Variants in MICAL2 observed in about 807,000 individuals in gnomAD.
MICAL2 encodes microtubule associated monooxygenase, calponin and LIM domain containing 2.
MICAL2 carries 77 observed loss-of-function variants against 127.3 expected under a neutral mutation model. The ratio of observed to expected loss-of-function variants is 0.60; its 90% CI spans 0.50 to 0.73. The LOEUF (loss-of-function observed/expected upper bound fraction) is 0.73. Among genes scored for constraint, MICAL2 ranks in the 30% least tolerant of loss-of-function variants. The pLI is 0.00. For synonymous variants in MICAL2, 570 were observed against 551.1 expected, an observed-to-expected ratio of 1.03 and a Z score of -0.48; for missense variants, 1,351 against 1,434.4, an observed-to-expected ratio of 0.94 and a Z score of 0.94.
At chr11:12,240,321 T>A (rs1859718792) in intron 17 of MICAL2, among the ~76,000 whole-genome samples, 1 of 152,234 alleles carries the variant, frequency 6.6e-6, no homozygotes, top group East Asian at 1.9e-4. Context: ...AGGGTGCTGT[T>A]GTCACATTAC....
chr11:12,166,892 AG>A (rs138936334), intron 3 of MICAL2, among the ~76,000 whole-genome samples: 3,454 of 152,242 alleles, frequency 0.023, 60 homozygotes, highest in Non-Finnish European at 0.034. Flanking sequence ...AAACAGCTAA[AG>A]GGAGTGCATA....
At chr11:12,201,378 A>C (rs925022908) in intron 3 of MICAL2, among the ~76,000 whole-genome samples, 1 of 151,736 alleles carries the variant, frequency 6.6e-6, no homozygotes, top group African/African-American at 2.4e-5. Flanking sequence ...GGATGATGGA[A>C]CGTTTGCTAG....
At chr11:12,325,932 A>G (rs1435356856) in intron 31 of MICAL2, among the ~76,000 whole-genome samples, 1 of 152,252 alleles carries the variant, frequency 6.6e-6, no homozygotes, top group Non-Finnish European at 1.5e-5. Flanking sequence ...TGGATTTATA[A>G]AGATATAATT....
chr11:12,352,133 A>C (rs16911154), intron 33 of MICAL2, among the ~76,000 whole-genome samples: 7,956 of 152,262 alleles, frequency 0.052, 531 homozygotes, highest in African/African-American at 0.14. Context: ...ATTCAGGGCA[A>C]CTAAGTAATT....
chr11:12,226,472 C>G, intron 14 of MICAL2, 102 bp downstream of exon 14: 1 of 1,217,196 alleles, frequency 8.2e-7, no homozygotes, highest in Admixed American at 2.1e-5. Context: ...TCTGGGGCTG[C>G]CCAGTGTGTT....
At chr11:12,285,462 G>A (rs1029045973) in intron 2 of MICAL2, among the ~76,000 whole-genome samples, 30 of 152,166 alleles carry the variant, frequency 2.0e-4, no homozygotes, top group Non-Finnish European at 3.1e-4. Context: ...GGCTGTTATC[G>A]TCTTTGTTTC....
chr11:12,358,959 ATT>A (rs1352577532), downstream of MICAL2: 1 of 153,034 alleles, frequency 6.5e-6, no homozygotes, highest in Non-Finnish European at 1.5e-5. Context: ...TAATATTTAA[ATT>A]GTGTTTCCAG....
chr11:12,329,690 C>A (rs1190057526), intron 32 of MICAL2, among the ~76,000 whole-genome samples: 1 of 151,826 alleles, frequency 6.6e-6, no homozygotes, highest in Non-Finnish European at 1.5e-5. Flanking sequence ...CGGAGTATTG[C>A]CTAGGTTGTA....
intron 3 of MICAL2, among the ~76,000 whole-genome samples, chr11:12,181,046 C>T (rs561964996): frequency 2.8e-4 from 42 of 148,416 alleles, no homozygotes; most frequent in Non-Finnish European, 5.8e-4. Flanking sequence ...GGGGTTCAAG[C>T]GATTCTCCTG....
intron 29 of MICAL2, among the ~76,000 whole-genome samples, chr11:12,307,585 A>G (rs1335122113): frequency 6.6e-6 from 1 of 152,210 alleles, no homozygotes; most frequent in Non-Finnish European, 1.5e-5. Flanking sequence ...CTGATTCTAG[A>G]TAATTTTTTT....
At chr11:12,322,052 G>A (rs75282633) in intron 30 of MICAL2, among the ~76,000 whole-genome samples, 3,917 of 151,910 alleles carry the variant, frequency 0.026, 87 homozygotes, top group East Asian at 0.12. Context: ...GCATCATCTT[G>A]TATAAGTTAA....
At chr11:12,157,141 T>G (rs1854276473) in intron 2 of MICAL2, among the ~76,000 whole-genome samples, 1 of 152,216 alleles carries the variant, frequency 6.6e-6, no homozygotes, top group Non-Finnish European at 1.5e-5. Flanking sequence ...CATATCTCCT[T>G]AAGTTTGTAT....
intron 2 of MICAL2, among the ~76,000 whole-genome samples, chr11:12,147,224 G>T (rs1051146320): frequency 4.1e-5 from 6 of 148,132 alleles, no homozygotes; most frequent in African/African-American, 1.5e-4. Flanking sequence ...ATAAAAAAAA[G>T]AAAGCAAAAG....
At chr11:12,111,978 T>G (rs977563168) in intron 1 of MICAL2, among the ~76,000 whole-genome samples, 1 of 152,224 alleles carries the variant, frequency 6.6e-6, no homozygotes, top group Non-Finnish European at 1.5e-5. Flanking sequence ...ACTTATTAAG[T>G]GCCTACTGGG....
chr11:12,113,228 C>T (rs1849739466), intron 1 of MICAL2, among the ~76,000 whole-genome samples: 1 of 152,158 alleles, frequency 6.6e-6, no homozygotes, highest in South Asian at 2.1e-4. Context: ...CTGCATTTTA[C>T]AGGTGAGGAA....
chr11:12,168,274 C>A (rs1258859110), intron 3 of MICAL2, among the ~76,000 whole-genome samples: 2 of 149,904 alleles, frequency 1.3e-5, no homozygotes, highest in African/African-American at 4.9e-5. Context: ...ACATATACAC[C>A]ACACACATAC....
chr11:12,254,424 G>A (rs1031367930), intron 22 of MICAL2: 5 of 152,384 alleles, frequency 3.3e-5, no homozygotes, highest in Admixed American at 6.5e-5. Context: ...CCTGGTCCCT[G>A]AGCAGCTGCC....
At chr11:12,116,117 C>T (rs993417097) in intron 1 of MICAL2, among the ~76,000 whole-genome samples, 12 of 146,502 alleles carry the variant, frequency 8.2e-5, no homozygotes, top group Non-Finnish European at 1.6e-4. Context: ...GCTGGGACTA[C>T]AGGCATCCGC....
chr11:12,304,626 ACT>A (rs1419855046), intron 29 of MICAL2, among the ~76,000 whole-genome samples: 5 of 146,918 alleles, frequency 3.4e-5, no homozygotes, highest in African/African-American at 1.3e-4. Context: ...CAAGAGCGAA[ACT>A]CTGTCTCAAA....
Sources: allele counts gnomAD v4.1 joint callset (sites outside exome capture counted in the v4.1 genomes callset), GRCh38; gene constraint gnomAD v4.1.1; transcripts MANE v1.5; gene names NCBI Gene and HGNC (gene_info 2026-07-23, HGNC 2026-07-21).